Variants in DLG2 observed in about 807,000 individuals in gnomAD.
The protein encoded by DLG2 is disks large homolog 2.
Under a neutral mutation model 132.5 loss-of-function variants are expected in DLG2, and 45 were observed. That is an observed-to-expected ratio of 0.34 (90% CI 0.27 to 0.44). The LOEUF (loss-of-function observed/expected upper bound fraction) is 0.44, where lower values mean the gene tolerates loss of function less well. Among genes scored for constraint, DLG2 ranks in the 20% least tolerant of loss-of-function variants. The probability of loss-of-function intolerance (pLI) is 1.00; values close to 1 mark genes in which losing one functional copy is unlikely to be tolerated. For missense variants in DLG2, 1,045 were observed against 1,196.9 expected, an observed-to-expected ratio of 0.87 and a Z score of 1.87; for synonymous variants, 424 against 419.6, an observed-to-expected ratio of 1.01 and a Z score of -0.13.
chr11:85,419,816 T>G (rs903619682), intron 3 of DLG2, among the ~76,000 whole-genome samples: 1 of 152,242 alleles, frequency 6.6e-6, no homozygotes, highest in Non-Finnish European at 1.5e-5. Flanking sequence ...CTGGTTATTC[T>G]AGTTAGCAAT....
chr11:85,322,963 T>C (rs1474997366), intron 3 of DLG2, among the ~76,000 whole-genome samples: 2 of 152,250 alleles, frequency 1.3e-5, no homozygotes, highest in African/African-American at 2.4e-5. Context: ...AGTCTGATCA[T>C]GATGCACACA....
intron 17 of DLG2, among the ~76,000 whole-genome samples, chr11:83,803,175 T>G (rs578117749): frequency 6.6e-6 from 1 of 152,302 alleles, no homozygotes; most frequent in South Asian, 2.1e-4. Flanking sequence ...ATTTACTGAA[T>G]GCCTTCTTTG....
At chr11:85,412,046 C>G (rs1009911175) in intron 3 of DLG2, among the ~76,000 whole-genome samples, 9 of 151,808 alleles carry the variant, frequency 5.9e-5, no homozygotes, top group African/African-American at 2.2e-4. Context: ...AATTTGAGCT[C>G]TGATTAGTCT....
chr11:84,406,854 T>G (rs1281621039), intron 7 of DLG2, among the ~76,000 whole-genome samples: 1 of 152,128 alleles, frequency 6.6e-6, no homozygotes, highest in Non-Finnish European at 1.5e-5. Flanking sequence ...TGGTAAACCC[T>G]CAATGAAATG....
intron 3 of DLG2, among the ~76,000 whole-genome samples, chr11:85,493,521 C>T (rs1332799861): frequency 6.6e-6 from 1 of 152,076 alleles, no homozygotes; most frequent in African/African-American, 2.4e-5. Flanking sequence ...AGAAATTTAG[C>T]TGGGTTCACT....
intron 17 of DLG2, among the ~76,000 whole-genome samples, chr11:83,795,761 T>C (rs115959483): frequency 0.013 from 2,028 of 152,310 alleles, 55 homozygotes; most frequent in African/African-American, 0.046. Context: ...TTCTTAGTGC[T>C]ATAGAATGAA....
At chr11:83,783,951 T>C (rs1413150152) in intron 18 of DLG2, among the ~76,000 whole-genome samples, 1 of 152,158 alleles carries the variant, frequency 6.6e-6, no homozygotes, top group Non-Finnish European at 1.5e-5. Flanking sequence ...CTCAACTAGA[T>C]TAAAAAAATC....
intron 19 of DLG2, among the ~76,000 whole-genome samples, chr11:83,617,860 G>T (rs559462850): frequency 6.6e-6 from 1 of 152,232 alleles, no homozygotes; most frequent in African/African-American, 2.4e-5. Flanking sequence ...AGCCAAGCAT[G>T]GTGGTGCATG....
chr11:85,151,905 G>T (rs1265279816), intron 5 of DLG2, among the ~76,000 whole-genome samples: 1 of 152,074 alleles, frequency 6.6e-6, no homozygotes, highest in Non-Finnish European at 1.5e-5. Context: ...AAGGATCATG[G>T]GAAGCATTTA....
chr11:85,024,322 T>C (rs1400393945), intron 6 of DLG2, among the ~76,000 whole-genome samples: 1 of 152,166 alleles, frequency 6.6e-6, no homozygotes, highest in African/African-American at 2.4e-5. Context: ...TTTACTTATT[T>C]AAAATATTTA....
At chr11:85,109,789 G>A (rs2072410671) in intron 6 of DLG2, among the ~76,000 whole-genome samples, 1 of 152,024 alleles carries the variant, frequency 6.6e-6, no homozygotes, top group Non-Finnish European at 1.5e-5. Flanking sequence ...ACTAAACTTT[G>A]TAGCTTGAAA....
intron 3 of DLG2, among the ~76,000 whole-genome samples, chr11:85,396,999 A>G (rs778494069): frequency 6.6e-6 from 1 of 152,174 alleles, no homozygotes; most frequent in Non-Finnish European, 1.5e-5. Context: ...GGTTGAAATA[A>G]AGGAAAAAAT....
intron 18 of DLG2, among the ~76,000 whole-genome samples, chr11:83,697,938 T>C (rs2082213958): frequency 6.6e-6 from 1 of 152,226 alleles, no homozygotes; most frequent in African/African-American, 2.4e-5. Context: ...TCATGGTCTC[T>C]GAACCTTGTT....
In DLG2 at chr11:83,982,234, T is replaced by TA. The variant is rs950801283; in HGVS notation, c.920-1593dup. ...TATTTGAGTGTACCCCTCTCCTTAT[T>TA]AAAAAAAATGTTAATTGTAGAAAAG... On this transcript the variant is annotated intron_variant, in intron 11 of 27. Coordinates refer to ENST00000376104, the MANE Select transcript of DLG2 (RefSeq NM_001142699.3). Among the ~76,000 whole-genome samples, 25 of 151,816 alleles carry TA rather than the reference T, an allele frequency of 1.6e-4. No homozygotes were observed. In the East Asian group the frequency reaches 3.3e-3, roughly 20 times the overall value.
chr11:84,410,700 C>T (rs1384441633), intron 7 of DLG2, among the ~76,000 whole-genome samples: 2 of 151,410 alleles, frequency 1.3e-5, no homozygotes, highest in African/African-American at 2.4e-5. Context: ...CTACTTCAGC[C>T]TCCCGAGTAG....
chr11:85,176,652 A>G (rs991871511), intron 4 of DLG2, among the ~76,000 whole-genome samples: 6 of 152,238 alleles, frequency 3.9e-5, no homozygotes, highest in Non-Finnish European at 8.8e-5. Flanking sequence ...GCAACAAAAG[A>G]AACTATCATC....
intron 3 of DLG2, among the ~76,000 whole-genome samples, chr11:85,566,525 GC>G (rs2153224660): frequency 6.6e-6 from 1 of 152,180 alleles, no homozygotes; most frequent in African/African-American, 2.4e-5. Context: ...AAATCAGAGT[GC>G]CAGCATGGCC....
At chr11:83,609,285 G>T (rs572416886) in intron 19 of DLG2, among the ~76,000 whole-genome samples, 2 of 152,336 alleles carry the variant, frequency 1.3e-5, no homozygotes, top group East Asian at 1.9e-4. Context: ...AGGCTTCAGA[G>T]ACCTGAGATA....
chr11:84,659,189 C>T (rs1239045791), intron 6 of DLG2, among the ~76,000 whole-genome samples: 8 of 152,042 alleles, frequency 5.3e-5, no homozygotes, highest in African/African-American at 1.9e-4. Context: ...AATATCAAGT[C>T]CAACTTGTAG....
Sources: gnomAD v4.1 joint callset for allele counts (sites outside exome capture counted in the v4.1 genomes callset) on GRCh38, gnomAD v4.1.1 for gene constraint, MANE v1.5 for transcripts, NCBI Gene and HGNC (gene_info 2026-07-23, HGNC 2026-07-21) for gene names.